Variants in OR56A3 observed in about 807,000 individuals in gnomAD.
OR56A3 encodes the protein olfactory receptor family 56 subfamily A member 3, also known as olfactory receptor 56A3.
OR56A3 carries 23 observed loss-of-function variants against 17.5 expected under a neutral mutation model. The observed-to-expected ratio is 1.32, with a 90% CI of 0.95 to 1.87. OR56A3 has a LOEUF of 1.87. Among genes scored for constraint, OR56A3 ranks in the 40% most tolerant of loss-of-function variants. OR56A3 has a pLI of 0.00. For missense variants in OR56A3, 366 were observed against 380.1 expected (o/e 0.96, Z 0.31); for synonymous variants, 175 against 150.6 (o/e 1.16, Z -1.19).
At chr11:6,013,030 G>A in the OR56A3 span, among the ~76,000 whole-genome samples, 2 of 152,256 alleles carry the variant, frequency 1.3e-5, no homozygotes, top group Non-Finnish European at 2.9e-5. Context: ...CCCCAAGAGC[G>A]CAGAAAGGCC....
At chr11:5,992,078 T>C in the OR56A3 span, among the ~76,000 whole-genome samples, 1 of 152,318 alleles carries the variant, frequency 6.6e-6, no homozygotes, top group African/African-American at 2.4e-5. Flanking sequence ...GGAAACCTCA[T>C]GCAGTGAGCT....
chr11:5,969,249 A>G, the OR56A3 span, among the ~76,000 whole-genome samples: 1 of 152,214 alleles, frequency 6.6e-6, no homozygotes, highest in Non-Finnish European at 1.5e-5. Context: ...TAAAATGAGA[A>G]CTTAACACAC....
chr11:6,016,981 T>A, the OR56A3 span: 5 of 151,848 alleles, frequency 3.3e-5, no homozygotes, highest in African/African-American at 7.3e-5. Flanking sequence ...CCAAAAAAAA[T>A]AATAATATTT....
the OR56A3 span, among the ~76,000 whole-genome samples, chr11:5,965,831 G>A: frequency 2.0e-5 from 3 of 152,046 alleles, no homozygotes; most frequent in South Asian, 6.2e-4. Flanking sequence ...CATAAGATGG[G>A]CATAATTTTC....
the OR56A3 span, among the ~76,000 whole-genome samples, chr11:5,984,079 G>A: frequency 6.6e-6 from 1 of 152,142 alleles, no homozygotes; most frequent in Non-Finnish European, 1.5e-5. Flanking sequence ...CTCATGTCCA[G>A]GTGGAATAAG....
chr11:5,942,993 T>C (rs1314799158), intron 1 of OR56A3, among the ~76,000 whole-genome samples: 2 of 152,252 alleles, frequency 1.3e-5, no homozygotes, highest in Non-Finnish European at 2.9e-5. Context: ...TTTCTCATCT[T>C]GTTCCTGGCT....
At chr11:5,966,791 A>C in the OR56A3 span, among the ~76,000 whole-genome samples, 2 of 152,082 alleles carry the variant, frequency 1.3e-5, no homozygotes. Context: ...GAGTAGGAAT[A>C]AGATGGTGTC....
At chr11:5,977,684 A>T in the OR56A3 span, among the ~76,000 whole-genome samples, 2 of 152,124 alleles carry the variant, frequency 1.3e-5, no homozygotes, top group Non-Finnish European at 2.9e-5. Flanking sequence ...TGTATTGATA[A>T]TTTATTTTGC....
the OR56A3 span, among the ~76,000 whole-genome samples, chr11:5,988,436 A>C: frequency 1.3e-5 from 2 of 152,190 alleles, no homozygotes; most frequent in Non-Finnish European, 2.9e-5. Context: ...AATTTTGTCC[A>C]TTTCATATTC....
chr11:6,015,599 G>C, the OR56A3 span, among the ~76,000 whole-genome samples: 4 of 152,226 alleles, frequency 2.6e-5, no homozygotes, highest in Admixed American at 6.5e-5. Context: ...AGCCACAGGG[G>C]CAGAGCTGTC....
chr11:6,002,552 G>A, the OR56A3 span: 59 of 1,614,232 alleles, frequency 3.7e-5, 1 homozygote, highest in Middle Eastern at 2.0e-3. Flanking sequence ...CAAAGACCAC[G>A]GCCCTAGCCA....
chr11:6,001,013 A>G, the OR56A3 span: 15 of 152,226 alleles, frequency 9.9e-5, no homozygotes, highest in Non-Finnish European at 1.8e-4. Context: ...CTGAATTTGC[A>G]TCCCCAAAAG....
chr11:6,011,275 C>A, the OR56A3 span, among the ~76,000 whole-genome samples: 2 of 150,010 alleles, frequency 1.3e-5, no homozygotes, highest in African/African-American at 2.4e-5. Flanking sequence ...GCATAGTCTG[C>A]CATGAAAAGG....
chr11:5,995,057 C>T, the OR56A3 span: 5 of 623,574 alleles, frequency 8.0e-6, no homozygotes, highest in African/African-American at 3.7e-5. Context: ...CCTGCATAGA[C>T]GCTGGCCGCA....
At chr11:5,966,786 G>A in the OR56A3 span, among the ~76,000 whole-genome samples, 1 of 151,896 alleles carries the variant, frequency 6.6e-6, no homozygotes, top group Admixed American at 6.6e-5. Flanking sequence ...GGAAAGAGTA[G>A]GAATAAGATG....
At chr11:5,981,963 A>G in the OR56A3 span, among the ~76,000 whole-genome samples, 1 of 152,190 alleles carries the variant, frequency 6.6e-6, no homozygotes, top group African/African-American at 2.4e-5. Context: ...GTGTGCTCTA[A>G]CCCTGAGGAG....
chr11:5,993,686 CAT>C, the OR56A3 span, among the ~76,000 whole-genome samples: 43 of 152,050 alleles, frequency 2.8e-4, no homozygotes, highest in Admixed American at 2.0e-3. Context: ...ATGCAAACCA[CAT>C]GTCATTTTAA....
chr11:6,004,855 C>T, the OR56A3 span, among the ~76,000 whole-genome samples: 13 of 152,176 alleles, frequency 8.5e-5, no homozygotes, highest in East Asian at 1.7e-3. Flanking sequence ...CTTAGTTCCT[C>T]GTCAGAATGC....
At chr11:6,005,275 G>T in the OR56A3 span, among the ~76,000 whole-genome samples, 2 of 152,132 alleles carry the variant, frequency 1.3e-5, no homozygotes, top group East Asian at 3.9e-4. Flanking sequence ...AAAAAATGAG[G>T]TAACATTTCG....
Sources: allele counts gnomAD v4.1 joint callset (sites outside exome capture counted in the v4.1 genomes callset), GRCh38; gene constraint gnomAD v4.1.1; transcripts MANE v1.5; gene names NCBI Gene and HGNC (gene_info 2026-07-23, HGNC 2026-07-21).